Variants in PGM5 observed in about 807,000 individuals in gnomAD.
PGM5 encodes the protein phosphoglucomutase 5.
In PGM5, 23 loss-of-function variants were observed where a neutral mutation model predicts 59.2. The observed-to-expected ratio is 0.39, with a 90% CI of 0.28 to 0.55. The LOEUF is 0.55. Among genes scored for constraint, PGM5 ranks in the 20% least tolerant of loss-of-function variants. The pLI is 0.66. For synonymous variants in PGM5, 214 were observed against 286.0 expected (o/e 0.75, Z 2.54); for missense variants, 574 against 748.3 (o/e 0.77, Z 2.72).
intron 10 of PGM5, among the ~76,000 whole-genome samples, chr9:68,527,455 G>A (rs1825001433): frequency 6.6e-6 from 1 of 152,318 alleles, no homozygotes; most frequent in Non-Finnish European, 1.5e-5. Flanking sequence ...GAGCAGGAAA[G>A]AGGGAAGAGA....
Position 68,480,715 on chromosome 9 carries a change from C to A in PGM5, c.1295+1162C>A, listed in dbSNP as rs375459807. On this transcript the variant is annotated intron_variant, in intron 8 of 10. Transcript: ENST00000396396. ...CTCCATCTCAAAAAAAAAAACAAAA[C>A]AAAACAAAACAAAAAAACAGGGAAA... 3.5e-3 allele frequency among the ~76,000 whole-genome samples: 530 copies of A among 149,714 alleles called. 6 individuals are homozygous for A. Among genetic ancestry groups the A allele is most frequent in the African/African-American group, 0.012 (501 of 40,806 alleles).
chr9:68,499,745 T>C (rs1824542493), intron 10 of PGM5, among the ~76,000 whole-genome samples: 1 of 152,174 alleles, frequency 6.6e-6, no homozygotes, highest in African/African-American at 2.4e-5. Flanking sequence ...TCTCCAGACA[T>C]TTGGACCATG....
rs142562411 is a variant in PGM5, at chr9:68,504,081, C to T, written c.1614+4720C>T. On this transcript the variant is annotated intron_variant, in intron 10 of 10. Coordinates refer to ENST00000396396, the MANE Select transcript of PGM5 (RefSeq NM_021965.4). ...GAACTGTGAAGTGCTAGCAGCAGGA[C>T]CTTGAATTCTTTAAAACTGTAGAAT... Among the ~76,000 whole-genome samples the T allele has an allele frequency of 4.7e-3, 723 of 152,298 alleles. 7 individuals are homozygous for T. The highest frequency in any genetic ancestry group is 0.016 in the African/African-American group (684 of 41,558).
intron 7 of PGM5, among the ~76,000 whole-genome samples, chr9:68,470,221 A>G (rs543125921): frequency 6.6e-6 from 1 of 152,328 alleles, no homozygotes; most frequent in Admixed American, 6.5e-5. Context: ...TGTTGACAAT[A>G]ACAGAAATAG....
intron 1 of PGM5, among the ~76,000 whole-genome samples, chr9:68,367,347 T>C (rs1224452806): frequency 1.3e-5 from 2 of 152,136 alleles, no homozygotes; most frequent in Non-Finnish European, 2.9e-5. Context: ...AAGCCAGATC[T>C]TAATCTGCTC....
rs200228098 is a variant in PGM5, at chr9:68,378,369, G to T, written c.424+8G>T. On this transcript the variant is annotated splice_region_variant and intron_variant, in intron 2 of 10. Coordinates refer to ENST00000396396, the MANE Select transcript of PGM5 (RefSeq NM_021965.4). ...TTAATGTTGCCAATGGAGGTATGTG[G>T]TTCAGCATATGCCTTAATAATTACG... 10 of 1,594,974 alleles carry T rather than the reference G, an allele frequency of 6.3e-6. No homozygotes were observed. The highest frequency in any genetic ancestry group is 8.5e-6 in the Non-Finnish European group (10 of 1,172,686).
At chr9:68,377,397 T>C (rs1244898297) in intron 1 of PGM5, among the ~76,000 whole-genome samples, 5 of 152,218 alleles carry the variant, frequency 3.3e-5, no homozygotes, top group African/African-American at 9.6e-5. Flanking sequence ...CAGTCTAGAA[T>C]ACAGTTTGAG....
intron 6 of PGM5, among the ~76,000 whole-genome samples, chr9:68,424,100 T>C (rs530264109): frequency 1.3e-5 from 2 of 152,292 alleles, no homozygotes; most frequent in East Asian, 1.9e-4. Flanking sequence ...GACCTCATGA[T>C]GAACGAGGAA....
At chr9:68,462,574 CTGAT>C (rs1261227909) in intron 6 of PGM5, among the ~76,000 whole-genome samples, 22 of 152,116 alleles carry the variant, frequency 1.4e-4, no homozygotes, top group Non-Finnish European at 2.2e-4. Flanking sequence ...GACCTCCTGA[CTGAT>C]TAATTGGAAA....
chr9:68,467,451 G>A (rs1554685916), intron 7 of PGM5, among the ~76,000 whole-genome samples: 6 of 152,164 alleles, frequency 3.9e-5, no homozygotes, highest in Non-Finnish European at 8.8e-5. Context: ...TACCATGTTT[G>A]AGATTTCCTG....
chr9:68,374,014 C>T (rs1443357886), intron 1 of PGM5, among the ~76,000 whole-genome samples: 1 of 152,294 alleles, frequency 6.6e-6, no homozygotes, highest in Non-Finnish European at 1.5e-5. Context: ...TCCAAATGCA[C>T]CATGTGGCCA....
intron 7 of PGM5, among the ~76,000 whole-genome samples, chr9:68,477,541 C>G (rs1824127186): frequency 6.6e-6 from 1 of 152,182 alleles, no homozygotes; most frequent in Admixed American, 6.5e-5. Context: ...TGTCCATTCT[C>G]ATTGCCCTGC....
At chr9:68,459,816 T>C (rs1554685234) in intron 6 of PGM5, among the ~76,000 whole-genome samples, 1 of 152,234 alleles carries the variant, frequency 6.6e-6, no homozygotes, top group African/African-American at 2.4e-5. Context: ...TATGGTCTTT[T>C]GTAAAGTGCC....
chr9:68,410,597 C>T (rs1554681543), intron 6 of PGM5, among the ~76,000 whole-genome samples: 1 of 151,866 alleles, frequency 6.6e-6, no homozygotes, highest in African/African-American at 2.4e-5. Flanking sequence ...GGAATATCTA[C>T]CAGAGAAAAT....
At chr9:68,389,572 A>G (rs1554679273) in intron 4 of PGM5, among the ~76,000 whole-genome samples, 1 of 152,154 alleles carries the variant, frequency 6.6e-6, no homozygotes, top group Non-Finnish European at 1.5e-5. Context: ...TGCATGTATC[A>G]GTAGTTGTTC....
chr9:68,408,607 T>G (rs1280396511), intron 6 of PGM5, among the ~76,000 whole-genome samples: 3 of 152,194 alleles, frequency 2.0e-5, no homozygotes, highest in Non-Finnish European at 2.9e-5. Flanking sequence ...TTTTGGCTTT[T>G]CTTGCCATTG....
intron 7 of PGM5, chr9:68,466,445 C>G (rs1231470451): frequency 5.4e-6 from 1 of 186,266 alleles, no homozygotes; most frequent in African/African-American, 2.4e-5. Flanking sequence ...TCATCTCTGA[C>G]TTTGGTTCAG....
Position 68,421,208 on chromosome 9 carries a change from T to C in PGM5, c.1043+28735T>C, listed in dbSNP as rs77890243. On this transcript the variant is annotated intron_variant, in intron 6 of 10. Coordinates refer to ENST00000396396, the MANE Select transcript of PGM5 (RefSeq NM_021965.4). ...ACTGATCTTCCCCTAATCGGCCCTGTATCTCCAGGAGTTCCACTGCATAGG... is the reference window on the plus strand; with the variant it reads ...ACTGATCTTCCCCTAATCGGCCCTGCATCTCCAGGAGTTCCACTGCATAGG... Among the ~76,000 whole-genome samples, 856 of 152,304 alleles carry C rather than the reference T, an allele frequency of 5.6e-3. 5 individuals are homozygous for C. Among genetic ancestry groups the C allele is most frequent in the Non-Finnish European group, 8.9e-3 (602 of 68,010 alleles).
At position 68,437,954 on chromosome 9, in the gene PGM5, C is replaced by T. The variant is rs944327415; in HGVS notation, c.1044-27139C>T. Among the ~76,000 whole-genome samples, 7 of 152,170 alleles carry T rather than the reference C, an allele frequency of 4.6e-5. No homozygotes were observed. Among genetic ancestry groups the T allele is most frequent in the Admixed American group, 1.3e-4 (2 of 15,286 alleles). ...CAGCTGGCTGCTTTACCACACATCA[C>T]GTGCTTGGCTCATGGAGACATTTAC... On this transcript the variant is annotated intron_variant, in intron 6 of 10. Coordinates refer to ENST00000396396, the MANE Select transcript of PGM5 (RefSeq NM_021965.4). The surrounding 1 kb of genome is among the most constrained non-coding windows in gnomAD (Gnocchi z 4.1).
Sources: allele counts gnomAD v4.1 joint callset (sites outside exome capture counted in the v4.1 genomes callset), GRCh38; gene constraint gnomAD v4.1.1; non-coding constraint Gnocchi (gnomAD v3.1); transcripts MANE v1.5; gene names NCBI Gene and HGNC (gene_info 2026-07-23, HGNC 2026-07-21).